NPFFR2: variants seen among roughly 807,000 people sequenced by gnomAD.
NPFFR2 encodes G-protein coupled receptor 74.
NPFFR2 carries 15 observed loss-of-function variants against 13.1 expected under a neutral mutation model. The ratio of observed to expected loss-of-function variants is 1.15; its 90% CI spans 0.77 to 1.76. NPFFR2 has a LOEUF of 1.76. Ranked by LOEUF, NPFFR2 falls within the 40% of genes most tolerant of loss-of-function variation. NPFFR2 has a pLI of 0.00. For missense variants in NPFFR2, 572 were observed against 503.5 expected, an observed-to-expected ratio of 1.14 and a Z score of -1.30; for synonymous variants, 190 against 175.7, an observed-to-expected ratio of 1.08 and a Z score of -0.65.
intron 1 of NPFFR2, among the ~76,000 whole-genome samples, chr4:72,035,706 G>T (rs2109751031): frequency 6.6e-6 from 1 of 152,126 alleles, no homozygotes; most frequent in Admixed American, 6.5e-5. Context: ...AAAAAGGAAA[G>T]AAAAAACAAA....
At position 72,099,203 on chromosome 4, in the gene NPFFR2, T is replaced by C. The variant is rs77407121; in HGVS notation, c.-7-29382T>C. 7.1e-3 allele frequency among the ~76,000 whole-genome samples: 1,080 copies of C among 152,332 alleles called. 14 individuals carry two copies. Among genetic ancestry groups the C allele is most frequent in the African/African-American group, 0.023 (976 of 41,576 alleles). The stretch of plus-strand genomic sequence containing the variant: ...ACAATCACATGCATCTTAGCACTGC[T>C]GAGCTTTTATTTCATTCACCTCCTG... On this transcript the variant is annotated intron_variant, in intron 1 of 3. Transcript: ENST00000308744.
At chr4:72,058,397 T>TGA (rs1553888674) in intron 1 of NPFFR2, among the ~76,000 whole-genome samples, 2 of 147,678 alleles carry the variant, frequency 1.4e-5, no homozygotes, top group African/African-American at 4.9e-5. Flanking sequence ...AAATAAAAAG[T>TGA]AAAAAAAAAA....
At chr4:72,069,130 G>A (rs1413246891) in intron 1 of NPFFR2, 8 of 419,604 alleles carry the variant, frequency 1.9e-5, no homozygotes, top group Non-Finnish European at 2.6e-5. Context: ...GTAATGCTAA[G>A]CCTTATAAAG....
intron 1 of NPFFR2, among the ~76,000 whole-genome samples, chr4:72,093,759 A>T (rs1034104616): frequency 1.4e-5 from 2 of 147,808 alleles, no homozygotes; most frequent in African/African-American, 2.5e-5. Context: ...TATTTCTTTA[A>T]GTTGGACTTC....
chr4:72,082,761 CCTAA>C (rs1720665081), intron 1 of NPFFR2, among the ~76,000 whole-genome samples: 1 of 152,058 alleles, frequency 6.6e-6, no homozygotes, highest in Non-Finnish European at 1.5e-5. Flanking sequence ...GGCTTAATCT[CCTAA>C]CTAACTGAAA....
At chr4:72,133,953 A>T (rs1722329720) in intron 2 of NPFFR2, among the ~76,000 whole-genome samples, 1 of 152,086 alleles carries the variant, frequency 6.6e-6, no homozygotes, top group Non-Finnish European at 1.5e-5. Context: ...TAATTAGTTT[A>T]AAGTTCTTGC....
chr4:72,116,861 G>A (rs1472835388), intron 1 of NPFFR2, among the ~76,000 whole-genome samples: 1 of 151,894 alleles, frequency 6.6e-6, no homozygotes, highest in Non-Finnish European at 1.5e-5. Flanking sequence ...CAGTTTAGTT[G>A]TAGTTGTTAG....
intron 1 of NPFFR2, among the ~76,000 whole-genome samples, chr4:72,063,101 A>G (rs934344889): frequency 2.0e-5 from 3 of 152,214 alleles, no homozygotes; most frequent in Admixed American, 6.5e-5. Flanking sequence ...GCAATGTTAT[A>G]ATAGTAGCAG....
At chr4:72,140,171 G>T (rs1233111548) in intron 3 of NPFFR2, among the ~76,000 whole-genome samples, 2 of 152,134 alleles carry the variant, frequency 1.3e-5, no homozygotes, top group African/African-American at 2.4e-5. Context: ...AGATTATGGG[G>T]TTTTCTAAAT....
chr4:72,080,998 C>T (rs1316015399), intron 1 of NPFFR2, among the ~76,000 whole-genome samples: 1 of 152,156 alleles, frequency 6.6e-6, no homozygotes, highest in African/African-American at 2.4e-5. Flanking sequence ...TACAGTCCCT[C>T]TAAGGAAGCT....
At chr4:72,127,303 CAAAAA>C (rs772559589) in intron 1 of NPFFR2, among the ~76,000 whole-genome samples, 4 of 11,424 alleles carry the variant, frequency 3.5e-4, no homozygotes, top group East Asian at 8.6e-3. Context: ...GACTCCATCT[CAAAAA>C]AAAAAAAAAA....
intron 1 of NPFFR2, among the ~76,000 whole-genome samples, chr4:72,057,586 AT>A (rs1210385331): frequency 2.0e-5 from 3 of 151,960 alleles, no homozygotes; most frequent in Non-Finnish European, 2.9e-5. Context: ...CTCACCCTAA[AT>A]TTCGGGTGAT....
intron 1 of NPFFR2, among the ~76,000 whole-genome samples, chr4:72,078,693 G>A (rs1324615673): frequency 6.6e-6 from 1 of 152,032 alleles, no homozygotes; most frequent in Non-Finnish European, 1.5e-5. Context: ...AAGCAATGTG[G>A]TATTGGTGAA....
At chr4:72,052,539 A>G (rs1719617159) in intron 1 of NPFFR2, among the ~76,000 whole-genome samples, 1 of 152,064 alleles carries the variant, frequency 6.6e-6, no homozygotes, top group African/African-American at 2.4e-5. Flanking sequence ...AGCCAATATC[A>G]TACTGAATGA....
intron 2 of NPFFR2, among the ~76,000 whole-genome samples, chr4:72,130,933 T>C (rs1722219179): frequency 6.6e-6 from 1 of 152,116 alleles, no homozygotes; most frequent in African/African-American, 2.4e-5. Context: ...GAGGATTTTA[T>C]TGAGCGGTGG....
In NPFFR2 at chr4:72,147,121, G is replaced by A. The variant is rs766924988; in HGVS notation, c.572G>A (p.Arg191Gln). 14 of 1,613,928 alleles carry A rather than the reference G, an allele frequency of 8.7e-6. No individual in the cohort carries two copies. The highest frequency in any genetic ancestry group is 5.0e-5 in the Admixed American group (3 of 59,982). ...CATGTGCAAGAAGAAAAATATTACCGAGTGAGACTCAACTCCCAGAATAAA... is the reference window on the plus strand; with the variant it reads ...CATGTGCAAGAAGAAAAATATTACCAAGTGAGACTCAACTCCCAGAATAAA... ...MLHVQEEKYY[R>Q]VRLNSQNKTS... The change falls in exon 4 of 4, where the codon CGA (arginine) becomes CAA (glutamine). Residue 191 changes from arginine to glutamine, a missense_variant. Physicochemically the swap from Arg to Gln is conservative, Grantham distance 43. Transcript: ENST00000308744.
chr4:72,096,045 T>A (rs574236070), intron 1 of NPFFR2, among the ~76,000 whole-genome samples: 1 of 152,350 alleles, frequency 6.6e-6, no homozygotes, highest in South Asian at 2.1e-4. Context: ...TGATATCCCA[T>A]GTGGATAGAA....
In NPFFR2 at chr4:72,110,524, C is replaced by T. The variant is rs191420103; in HGVS notation, c.-7-18061C>T. ...GTGAACTTTGGCTGTGCTGTTTGATCCCTATATGAATGTTTCTGACATCAT... is the reference window on the plus strand; with the variant it reads ...GTGAACTTTGGCTGTGCTGTTTGATTCCTATATGAATGTTTCTGACATCAT... On this transcript the variant is annotated intron_variant, in intron 1 of 3. Coordinates refer to ENST00000308744, the MANE Select transcript of NPFFR2 (RefSeq NM_004885.3). Among the ~76,000 whole-genome samples, 10 of 152,050 alleles carry T rather than the reference C, an allele frequency of 6.6e-5. No individual in the cohort carries two copies. In the East Asian group the frequency reaches 1.9e-3, roughly 29 times the overall value.
chr4:72,040,683 T>C (rs1719182955), intron 1 of NPFFR2, among the ~76,000 whole-genome samples: 1 of 152,098 alleles, frequency 6.6e-6, no homozygotes, highest in South Asian at 2.1e-4. Flanking sequence ...GCAAATATTT[T>C]TACCAAACGA....
Sources: gnomAD v4.1 joint callset for allele counts (sites outside exome capture counted in the v4.1 genomes callset) on GRCh38, gnomAD v4.1.1 for gene constraint, MANE v1.5 for transcripts, NCBI Gene and HGNC (gene_info 2026-07-23, HGNC 2026-07-21) for gene names.